The following REN variants were observed in gnomAD, a reference collection of about 807,000 sequenced individuals.
The protein encoded by REN is angiotensin-forming enzyme.
In REN, 42 loss-of-function variants were observed where a neutral mutation model predicts 48.6. The ratio of observed to expected loss-of-function variants is 0.86; its 90% CI spans 0.68 to 1.12. The LOEUF is 1.12. Ranked by LOEUF, REN falls within the 50% of genes most tolerant of loss-of-function variation. The probability of loss-of-function intolerance (pLI) is 0.00; values close to 1 mark genes in which losing one functional copy is unlikely to be tolerated. For missense variants in REN, 443 were observed against 527.3 expected (o/e 0.84, Z 1.57); for synonymous variants, 196 against 204.6 (o/e 0.96, Z 0.36).
In REN at chr1:204,156,225, TG is replaced by T; in HGVS notation, c.912del (p.Ile305Ter). Reference sequence around the variant, plus strand: ...CCCAAGGCCTCCATGAGCTTCTCTATGGAGCTGGTAGAACCTGAGATGTAGG... The same window carrying T: ...CCCAAGGCCTCCATGAGCTTCTCTATGAGCTGGTAGAACCTGAGATGTAGG... ...GASYISGSTS[S>X]IEKLMEALGA... On this transcript the variant is annotated frameshift_variant, in exon 8 of 10. Coordinates refer to ENST00000272190, the MANE Select transcript of REN (RefSeq NM_000537.4). LOFTEE classifies it high-confidence loss of function. The surrounding 1 kb of genome is among the most constrained non-coding windows in gnomAD (Gnocchi z 4.2). 1 of 1,614,212 alleles carries T rather than the reference TG, an allele frequency of 6.2e-7. No homozygotes were observed. Among genetic ancestry groups the T allele is most frequent in the Non-Finnish European group, 8.5e-7 (1 of 1,180,040 alleles).
At chr1:204,163,954 A>G (rs1658293912) in intron 1 of REN, among the ~76,000 whole-genome samples, 1 of 152,150 alleles carries the variant, frequency 6.6e-6, no homozygotes, top group Non-Finnish European at 1.5e-5. Context: ...ATAAATGTAA[A>G]TTGTAGGTGT....
In REN at chr1:204,156,568, G is replaced by C; in HGVS notation, c.818+109C>G. 1.3e-6 allele frequency: 2 copies of C among 1,494,240 alleles called. No individual in the cohort carries two copies. Among genetic ancestry groups the C allele is most frequent in the Non-Finnish European group, 1.9e-6 (2 of 1,074,958 alleles). The allele number at this position is 1,494,240 out of a possible 1,614,324, so 92.6% of individuals were successfully genotyped here. On this transcript the variant is annotated intron_variant, in intron 7 of 9. Transcript: ENST00000272190. The surrounding 1 kb of genome is among the most constrained non-coding windows in gnomAD (Gnocchi z 4.2). ...CAAATGGTGGCTGTGCTTAAGAAGT[G>C]GCTGCATTTGGAAAGAGGGCAGGAT...
chr1:204,159,604 G>C lies in REN; in HGVS notation c.493-9C>G, dbSNP rs1220942052. The C allele has an allele frequency of 1.2e-6, 2 of 1,614,086 alleles. No homozygotes were observed. Among genetic ancestry groups the C allele is most frequent in the Non-Finnish European group, 1.7e-6 (2 of 1,179,922 alleles). On this transcript the variant is annotated splice_polypyrimidine_tract_variant and intron_variant, in intron 4 of 9. Coordinates refer to ENST00000272190, the MANE Select transcript of REN (RefSeq NM_000537.4). ...ACCGTGATTCCACCCACCTGTGGGA[G>C]GAAGGACCAGAGGAGACCAAGCCCA...
intron 4 of REN, among the ~76,000 whole-genome samples, 169 bp downstream of exon 4, chr1:204,160,391 C>T (rs1420759476): frequency 6.6e-6 from 1 of 152,264 alleles, no homozygotes; most frequent in Non-Finnish European, 1.5e-5. Flanking sequence ...CCCATAGGTA[C>T]TGCTGCTTTG....
At position 204,156,440 on chromosome 1, in the gene REN, G is replaced by A; in HGVS notation, c.819-121C>T. The A allele has an allele frequency of 7.0e-7, 1 of 1,438,140 alleles. No homozygotes were observed. Among genetic ancestry groups the A allele is most frequent in the Admixed American group, 1.9e-5 (1 of 52,190 alleles). 89.1% of individuals were successfully genotyped at this position (1,438,140 alleles called of 1,614,324 possible). A position where few individuals can be genotyped will look rare whatever the true frequency, so the allele number is the denominator to read the frequency against. On this transcript the variant is annotated intron_variant, in intron 7 of 9. Transcript: ENST00000272190. The surrounding 1 kb of genome is among the most constrained non-coding windows in gnomAD (Gnocchi z 4.2). ...TGGGTGGAGGCCACGCTGGTGGCCT[G>A]TTGAGGCAGTGAGTAGAGGAGGGAA...
rs11571076 is a variant in REN, at chr1:204,165,772, A to C, written c.98+424T>G. On this transcript the variant is annotated intron_variant, in intron 1 of 9. Coordinates refer to ENST00000272190, the MANE Select transcript of REN (RefSeq NM_000537.4). ...ATGCCCGGCTAATTTTTGTATTTTTAGTAGAGATGGGGTTTCCCCATGTTG... is the reference window on the plus strand; with the variant it reads ...ATGCCCGGCTAATTTTTGTATTTTTCGTAGAGATGGGGTTTCCCCATGTTG... 3.5e-3 allele frequency among the ~76,000 whole-genome samples: 527 copies of C among 152,146 alleles called. 3 individuals are homozygous for C. The highest frequency in any genetic ancestry group is 5.5e-3 in the Non-Finnish European group (375 of 67,990).
chr1:204,159,328 C>T (rs1177116442), intron 5 of REN, 71 bp downstream of exon 5: 1 of 1,409,788 alleles, frequency 7.1e-7, no homozygotes, highest in Non-Finnish European at 1.0e-6. Context: ...CTGGCCCAGA[C>T]TCTCCTTCCA....
chr1:204,155,893 G>A lies in REN; in HGVS notation c.986C>T (p.Pro329Leu). Residue 329 changes from proline (P) to leucine (L), a missense_variant, in exon 9 of 10, where the codon CCT becomes CTT. Physicochemically the swap from Pro to Leu is moderately conservative, Grantham distance 98. Transcript: ENST00000272190. ...GTGGAAAGAGATGTCGGGGAGTGTA[G>A]GGCCCTCGTTACACTTCACGACATA... ...FDYVVKCNEG[P>L]TLPDISFHLG... The A allele has an allele frequency of 1.2e-6, 2 of 1,613,950 alleles. No individual in the cohort carries two copies. The highest frequency in any genetic ancestry group is 1.7e-6 in the Non-Finnish European group (2 of 1,179,934).
At chr1:204,155,588 A>G (rs1308915606) in intron 9 of REN, among the ~76,000 whole-genome samples, 1 of 152,138 alleles carries the variant, frequency 6.6e-6, no homozygotes. Flanking sequence ...ATGGCCACAC[A>G]TTGGAATCAC....
Position 204,166,284 on chromosome 1 carries a change from A to G in REN, c.10T>C (p.Trp4Arg). The G allele has an allele frequency of 6.2e-7, 1 of 1,613,940 alleles. No homozygotes were observed. Among genetic ancestry groups the G allele is most frequent in the Non-Finnish European group, 8.5e-7 (1 of 1,179,770 alleles). MDG[W>R]RRMPRWGLLL... Reference sequence around the variant, plus strand: ...AGTCCCCAGCGAGGCATCCTTCTCCATCCATCCATGCTTCCCTCAGTCTGG... The same window carrying G: ...AGTCCCCAGCGAGGCATCCTTCTCCGTCCATCCATGCTTCCCTCAGTCTGG... The change falls in exon 1 of 10, where the codon TGG becomes CGG. Residue 4 changes from tryptophan (W) to arginine (R), a missense_variant. Coordinates refer to ENST00000272190, the MANE Select transcript of REN (RefSeq NM_000537.4).
At position 204,154,872 on chromosome 1, in the gene REN, CA is replaced by C; in HGVS notation, c.*143del. ...TCCTCAAAGCAGGGAAGGGCTGGTG[CA>C]GGGGTCAGGGCACGCATCCAGCAGG... On this transcript the variant is annotated 3_prime_UTR_variant, in exon 10 of 10. Coordinates refer to ENST00000272190, the MANE Select transcript of REN (RefSeq NM_000537.4). 1 of 879,168 alleles carries C rather than the reference CA, an allele frequency of 1.1e-6. No individual in the cohort carries two copies. The highest frequency in any genetic ancestry group is 1.8e-6 in the Non-Finnish European group (1 of 549,042). 54.5% of individuals were successfully genotyped at this position (879,168 alleles called of 1,614,324 possible). A position where few individuals can be genotyped will look rare whatever the true frequency, so the allele number is the denominator to read the frequency against.
intron 1 of REN, 88 bp from the exon 2 acceptor site, chr1:204,162,251 G>T: frequency 1.4e-6 from 2 of 1,450,026 alleles, no homozygotes; most frequent in Non-Finnish European, 1.9e-6. Context: ...CCTGCTTTTA[G>T]TACAACCACC....
rs529832461 is a variant in REN, at chr1:204,157,363, G to A, written c.696C>T (p.Ser232=). The change falls in exon 6 of 10, where the codon TCC becomes TCT. Residue 232 remains serine, a splice_region_variant and synonymous_variant. Coordinates refer to ENST00000272190, the MANE Select transcript of REN (RefSeq NM_000537.4). ...DVFSFYYNRD[S]ENSQSLGGQI... Reference sequence around the variant, plus strand: ...ATGTGGGGGTTTTGTCTCCTTACTCGGAATCTCTGCAGAGAAAGAGAGACA... The same window carrying A: ...ATGTGGGGGTTTTGTCTCCTTACTCAGAATCTCTGCAGAGAAAGAGAGACA... The A allele has an allele frequency of 8.7e-6, 14 of 1,614,098 alleles. No individual in the cohort carries two copies. Among genetic ancestry groups the A allele is most frequent in the Admixed American group, 1.7e-5 (1 of 60,014 alleles).
chr1:204,160,095 A>G (rs1243816223), intron 4 of REN, among the ~76,000 whole-genome samples: 2 of 152,228 alleles, frequency 1.3e-5, no homozygotes, highest in Non-Finnish European at 2.9e-5. Flanking sequence ...GAGAAACTCC[A>G]GGATGAGGAA....
rs1658147258 is a variant in REN, at chr1:204,156,239, C to A, written c.899G>T (p.Gly300Val). 6.2e-7 allele frequency: 1 copy of A among 1,614,216 alleles called. No homozygotes were observed. The highest frequency in any genetic ancestry group is 8.5e-7 in the Non-Finnish European group (1 of 1,180,038). Residue 300 changes from glycine (G) to valine (V), a missense_variant, in exon 8 of 10, where the codon GGT (glycine) becomes GTT (valine). Transcript: ENST00000272190. The surrounding 1 kb of genome is among the most constrained non-coding windows in gnomAD (Gnocchi z 4.2). The part of the protein sequence containing the change: ...LVDTGASYIS[G>V]STSSIEKLME... The stretch of plus-strand genomic sequence containing the variant: ...GAGCTTCTCTATGGAGCTGGTAGAA[C>A]CTGAGATGTAGGATGCACCGGTGTC...
Position 204,155,014 on chromosome 1 carries a change from C to A in REN, c.*2G>T. Reference sequence around the variant, plus strand: ...CAGGGCCTGCCTGGGTGGCAGAGGGCCTCAGCGGGCCAAGGCGAAGCCAAT... The same window carrying A: ...CAGGGCCTGCCTGGGTGGCAGAGGGACTCAGCGGGCCAAGGCGAAGCCAAT... On this transcript the variant is annotated 3_prime_UTR_variant, in exon 10 of 10. Transcript: ENST00000272190. 6.2e-7 allele frequency: 1 copy of A among 1,613,766 alleles called. No homozygotes were observed. The highest frequency in any genetic ancestry group is 8.5e-7 in the Non-Finnish European group (1 of 1,180,032).
chr1:204,156,140 C>G lies in REN; in HGVS notation c.960+38G>C. ...TTGTGAGCCGATACCAGGTGGCGCTCCCCCCACCCACAGCACCTTCCCTCT... is the reference window on the plus strand; with the variant it reads ...TTGTGAGCCGATACCAGGTGGCGCTGCCCCCACCCACAGCACCTTCCCTCT... On this transcript the variant is annotated intron_variant, in intron 8 of 9. Coordinates refer to ENST00000272190, the MANE Select transcript of REN (RefSeq NM_000537.4). This position sits in a 1 kb window ranked among gnomAD's most constrained non-coding sequence, Gnocchi z 4.2. 1 of 1,612,892 alleles carries G rather than the reference C, an allele frequency of 6.2e-7. No individual in the cohort carries two copies. The highest frequency in any genetic ancestry group is 2.2e-5 in the East Asian group (1 of 44,874).
Position 204,159,336 on chromosome 1 carries a change from C to T in REN, c.689+63G>A, listed in dbSNP as rs1172874838. On this transcript the variant is annotated intron_variant, in intron 5 of 9. Coordinates refer to ENST00000272190, the MANE Select transcript of REN (RefSeq NM_000537.4). ...TACAATTCTGGCCCAGACTCTCCTT[C>T]CACTCCCCATCTCTTCTCCCCTCCT... is the stretch of plus-strand genomic sequence containing the variant. 5.5e-6 allele frequency: 8 copies of T among 1,466,498 alleles called. No individual in the cohort carries two copies. The African/African-American group carries it at 9.7e-5, about 18-fold the overall frequency. 90.8% of individuals were successfully genotyped at this position (1,466,498 alleles called of 1,614,324 possible). A position where few individuals can be genotyped will look rare whatever the true frequency, so the allele number is the denominator to read the frequency against.
In REN at chr1:204,164,565, C is replaced by CTTTT. The variant is rs748060874; in HGVS notation, c.98+1627_98+1630dup. On this transcript the variant is annotated intron_variant, in intron 1 of 9. Coordinates refer to ENST00000272190, the MANE Select transcript of REN (RefSeq NM_000537.4). ...ATGCTGTCTCTTCCCCTTCTTCAGT[C>CTTTT]TTTTTTTTTTTTTTTTTTTTTTTTA... Among the ~76,000 whole-genome samples, 71 of 93,672 alleles carry CTTTT rather than the reference C, an allele frequency of 7.6e-4. 4 individuals carry two copies. Among genetic ancestry groups the CTTTT allele is most frequent in the Middle Eastern group, 0.013 (2 of 150 alleles). The allele number at this position is 93,672 out of a possible 152,430, so 61.5% of individuals were successfully genotyped here.
Sources: gnomAD v4.1 joint callset for allele counts (sites outside exome capture counted in the v4.1 genomes callset) on GRCh38, gnomAD v4.1.1 for gene constraint, Gnocchi (gnomAD v3.1) non-coding constraint, MANE v1.5 for transcripts, NCBI Gene and HGNC (gene_info 2026-07-23, HGNC 2026-07-21) for gene names.